The following GRID1 variants were observed in gnomAD, a reference collection of about 807,000 sequenced individuals.
GRID1 encodes the protein glutamate receptor ionotropic, delta-1.
GRID1 carries 28 observed loss-of-function variants against 98.0 expected under a neutral mutation model. The ratio of observed to expected loss-of-function variants is 0.29; its 90% confidence interval spans 0.21 to 0.39. GRID1 has a LOEUF of 0.39. Ranked by LOEUF, GRID1 falls within the 10% of genes least tolerant of loss-of-function variation. GRID1 has a pLI of 1.00. For synonymous variants in GRID1, 553 were observed against 538.5 expected (o/e 1.03, Z -0.37); for missense variants, 1,111 against 1,340.5 (o/e 0.83, Z 2.67).
intron 3 of GRID1, among the ~76,000 whole-genome samples, chr10:86,147,752 T>TAG (rs1845108768): frequency 6.6e-6 from 1 of 152,224 alleles, no homozygotes; most frequent in East Asian, 1.9e-4. Flanking sequence ...GTAAACAACT[T>TAG]GCTCCAGAGC....
At chr10:85,901,224 T>G (rs1841380212) in intron 5 of GRID1, among the ~76,000 whole-genome samples, 1 of 144,588 alleles carries the variant, frequency 6.9e-6, no homozygotes, top group African/African-American at 2.6e-5. Flanking sequence ...TTATTTTATT[T>G]TATTTTATTT....
chr10:86,080,604 T>A (rs1843963442), intron 4 of GRID1, among the ~76,000 whole-genome samples: 2 of 152,018 alleles, frequency 1.3e-5, no homozygotes, highest in African/African-American at 4.8e-5. Context: ...AGGAGCAACA[T>A]CTGTAGGATG....
At chr10:86,083,900 G>T (rs1219660199) in intron 4 of GRID1, among the ~76,000 whole-genome samples, 1 of 152,196 alleles carries the variant, frequency 6.6e-6, no homozygotes, top group Non-Finnish European at 1.5e-5. Context: ...GCAACAGGAG[G>T]CTGCTTTCTA....
chr10:85,991,972 A>G (rs1842685961), intron 4 of GRID1, among the ~76,000 whole-genome samples: 1 of 152,186 alleles, frequency 6.6e-6, no homozygotes, highest in African/African-American at 2.4e-5. Flanking sequence ...AGAAATGTGG[A>G]AAAGAAAAGG....
intron 4 of GRID1, among the ~76,000 whole-genome samples, chr10:85,934,413 GACACACACACAC>G (rs5786728): frequency 0.048 from 6,797 of 141,484 alleles, 367 homozygotes; most frequent in African/African-American, 0.13. Context: ...GCAGAGATTG[GACACACACACAC>G]ACACACACAC....
intron 3 of GRID1, among the ~76,000 whole-genome samples, chr10:86,144,062 C>T (rs1212669574): frequency 1.3e-5 from 2 of 152,166 alleles, no homozygotes; most frequent in African/African-American, 4.8e-5. Flanking sequence ...TCTGTCTCTC[C>T]CCGGGTACAG....
intron 12 of GRID1, among the ~76,000 whole-genome samples, chr10:85,692,378 G>A (rs1205424386): frequency 6.6e-6 from 1 of 152,150 alleles, no homozygotes; most frequent in Non-Finnish European, 1.5e-5. Flanking sequence ...AACAAAAGGA[G>A]AGGATGGGTG....
intron 5 of GRID1, among the ~76,000 whole-genome samples, chr10:85,903,517 C>T (rs1319218579): frequency 6.6e-6 from 1 of 152,142 alleles, no homozygotes; most frequent in Non-Finnish European, 1.5e-5. Flanking sequence ...TCATCCCTAC[C>T]CTCCTCACCA....
chr10:85,975,288 T>G (rs1013857902), intron 4 of GRID1, among the ~76,000 whole-genome samples: 5 of 152,246 alleles, frequency 3.3e-5, no homozygotes, highest in Non-Finnish European at 5.9e-5. Context: ...CGGGACTTTT[T>G]GAAATCCTCC....
At chr10:85,751,349 A>G (rs892414951) in intron 8 of GRID1, among the ~76,000 whole-genome samples, 4 of 152,346 alleles carry the variant, frequency 2.6e-5, no homozygotes, top group South Asian at 2.1e-4. Flanking sequence ...CCAGATTTCA[A>G]GAAGAGTTTG....
At chr10:86,327,094 C>T (rs1024721369) in intron 2 of GRID1, among the ~76,000 whole-genome samples, 4 of 152,158 alleles carry the variant, frequency 2.6e-5, no homozygotes, top group Non-Finnish European at 1.5e-5. Flanking sequence ...CGAGATTGCA[C>T]CACTGCATTC....
chr10:86,092,095 TCACA>T (rs1359344682), intron 4 of GRID1, among the ~76,000 whole-genome samples: 6 of 152,020 alleles, frequency 3.9e-5, no homozygotes, highest in Admixed American at 3.9e-4. Flanking sequence ...CCCAAAAAAA[TCACA>T]CTAGTTCACC....
chr10:85,667,510 C>T (rs964232643), intron 12 of GRID1, among the ~76,000 whole-genome samples: 3 of 152,192 alleles, frequency 2.0e-5, no homozygotes, highest in Non-Finnish European at 4.4e-5. Flanking sequence ...TATTATTATT[C>T]TCAGTCTACA....
Position 86,136,721 on chromosome 10 carries a change from G to T in GRID1, c.726+2098C>A, listed in dbSNP as rs373742581. ...CTGAAGACTACGGTGGGAGCTGTTG[G>T]CCCAAAGTCCAAATGCCATCGTTCC... On this transcript the variant is annotated intron_variant, in intron 4 of 15. Transcript: ENST00000327946. Among the ~76,000 whole-genome samples the T allele has an allele frequency of 8.5e-4, 129 of 152,134 alleles. 1 individual carries two copies. Among genetic ancestry groups the T allele is most frequent in the Middle Eastern group, 6.8e-3 (2 of 294 alleles).
At chr10:86,319,925 C>T (rs1249313938) in intron 2 of GRID1, among the ~76,000 whole-genome samples, 1 of 152,242 alleles carries the variant, frequency 6.6e-6, no homozygotes, top group Non-Finnish European at 1.5e-5. Flanking sequence ...TCGGTGACAG[C>T]AGCAGCAGTA....
intron 4 of GRID1, among the ~76,000 whole-genome samples, chr10:86,016,078 T>G (rs1250892629): frequency 6.6e-6 from 1 of 151,234 alleles, no homozygotes; most frequent in Non-Finnish European, 1.5e-5. Flanking sequence ...GACCAAAGTC[T>G]CAGAAGAGTG....
At chr10:85,794,221 A>G (rs1054363838) in intron 8 of GRID1, among the ~76,000 whole-genome samples, 1 of 152,200 alleles carries the variant, frequency 6.6e-6, no homozygotes, top group Non-Finnish European at 1.5e-5. Flanking sequence ...GCCTGCCATA[A>G]TGATTTAAAT....
intron 12 of GRID1, among the ~76,000 whole-genome samples, chr10:85,711,355 T>TA (rs1841579943): frequency 6.6e-6 from 1 of 151,884 alleles, no homozygotes; most frequent in African/African-American, 2.4e-5. Context: ...ACCAAGAAAG[T>TA]GAAATGGAAA....
intron 4 of GRID1, among the ~76,000 whole-genome samples, chr10:85,927,639 G>A (rs773756961): frequency 2.0e-5 from 3 of 152,222 alleles, no homozygotes; most frequent in East Asian, 1.9e-4. Context: ...GGCTATACCC[G>A]GTGTTTATTT....
Sources: gnomAD v4.1 joint callset for allele counts (sites outside exome capture counted in the v4.1 genomes callset) on GRCh38, gnomAD v4.1.1 for gene constraint, MANE v1.5 for transcripts, NCBI Gene and HGNC (gene_info 2026-07-23, HGNC 2026-07-21) for gene names.